Variants in PLSCR4 observed in about 807,000 individuals in gnomAD.
PLSCR4 encodes phospholipid scramblase 4, also known as Ca(2+)-dependent phospholipid scramblase 4.
In PLSCR4, 25 loss-of-function variants were observed where a neutral mutation model predicts 36.3. The observed-to-expected ratio is 0.69, with a 90% CI of 0.50 to 0.96. The LOEUF (loss-of-function observed/expected upper bound fraction) is 0.96, where lower values mean the gene tolerates loss of function less well. PLSCR4 is among the 40% of genes least tolerant of loss of function. PLSCR4 has a pLI of 0.00. For missense variants in PLSCR4, 408 were observed against 414.7 expected (o/e 0.98, Z 0.14); for synonymous variants, 122 against 132.9 (o/e 0.92, Z 0.56).
At chr3:146,220,524 G>T (rs2035083660) in intron 3 of PLSCR4, among the ~76,000 whole-genome samples, 1 of 152,034 alleles carries the variant, frequency 6.6e-6, no homozygotes, top group African/African-American at 2.4e-5. Flanking sequence ...TCAAATCCCT[G>T]GCAATGTCAA....
Position 146,220,920 on chromosome 3 carries a change from C to CCA in PLSCR4, c.11_12dup (p.Val5TrpfsTer94), listed in dbSNP as rs2035108499. On this transcript the variant is annotated frameshift_variant, in exon 3 of 9. Transcript: ENST00000354952. LOFTEE classifies it high-confidence loss of function. ...GCAGGCTGTTCAGGGGCTGTGGGTACCACACCTTCAGGGGAAGACAGGGAA... is the reference window on the plus strand; with the variant it reads ...GCAGGCTGTTCAGGGGCTGTGGGTACCACACACCTTCAGGGGAAGACAGGGAA... 6.2e-7 allele frequency: 1 copy of CCA among 1,602,240 alleles called. No individual in the cohort carries two copies. Among genetic ancestry groups the CCA allele is most frequent in the African/African-American group, 1.3e-5 (1 of 74,602 alleles).
chr3:146,219,440 A>C (rs1003165864), intron 3 of PLSCR4, among the ~76,000 whole-genome samples: 5 of 152,194 alleles, frequency 3.3e-5, no homozygotes, highest in Non-Finnish European at 7.3e-5. Flanking sequence ...ATAATTTAAT[A>C]ATTTAATTTT....
At chr3:146,247,151 T>C (rs373854193) in intron 1 of PLSCR4, among the ~76,000 whole-genome samples, 55 of 152,318 alleles carry the variant, frequency 3.6e-4, no homozygotes, top group African/African-American at 1.2e-3. Context: ...GGCTGCCTAA[T>C]GACAACAAGT....
At position 146,206,440 on chromosome 3, in the gene PLSCR4, T is replaced by C. The variant is rs2034331867; in HGVS notation, c.354+86A>G. The stretch of plus-strand genomic sequence containing the variant: ...TGTCATCACTGACCCATCTCCTTTA[T>C]TCACTCTGGTCTGCTTTTTTTCTCT... On this transcript the variant is annotated intron_variant, in intron 4 of 8. Coordinates refer to ENST00000354952, the MANE Select transcript of PLSCR4 (RefSeq NM_020353.3). 14 of 922,800 alleles carry C rather than the reference T, an allele frequency of 1.5e-5. No homozygotes were observed. In the South Asian group the frequency reaches 1.9e-4, roughly 13 times the overall value. 57.2% of individuals were successfully genotyped at this position (922,800 alleles called of 1,614,324 possible). A position where few individuals can be genotyped will look rare whatever the true frequency, so the allele number is the denominator to read the frequency against.
chr3:146,246,222 CTT>C (rs1392478859), intron 1 of PLSCR4, among the ~76,000 whole-genome samples: 1 of 152,040 alleles, frequency 6.6e-6, no homozygotes, highest in Non-Finnish European at 1.5e-5. Context: ...TTAATTGTAT[CTT>C]TGCATAAAAT....
intron 1 of PLSCR4, among the ~76,000 whole-genome samples, chr3:146,236,611 T>C (rs1442388900): frequency 5.3e-5 from 8 of 152,130 alleles, no homozygotes; most frequent in Non-Finnish European, 1.2e-4. Context: ...CACAAGCTCT[T>C]CTCTTGGCCT....
At chr3:146,226,253 G>A (rs772079257) in intron 1 of PLSCR4, among the ~76,000 whole-genome samples, 1 of 152,154 alleles carries the variant, frequency 6.6e-6, no homozygotes, top group Non-Finnish European at 1.5e-5. Flanking sequence ...GTATGTACAT[G>A]TTTAAATATG....
chr3:146,192,438 T>C lies in PLSCR4; in HGVS notation c.*1973A>G, dbSNP rs1247503889. On this transcript the variant is annotated 3_prime_UTR_variant, in exon 9 of 9. Coordinates refer to ENST00000354952, the MANE Select transcript of PLSCR4 (RefSeq NM_020353.3). ...TTTGTTTTTTAATCAATCCGATCAATTTTACACAACAAAATATCATTAAGA... is the reference window on the plus strand; with the variant it reads ...TTTGTTTTTTAATCAATCCGATCAACTTTACACAACAAAATATCATTAAGA... 1 of 151,126 alleles carries C rather than the reference T, an allele frequency of 6.6e-6. No individual in the cohort carries two copies. The highest frequency in any genetic ancestry group is 1.5e-5 in the Non-Finnish European group (1 of 67,772). The allele number at this position is 151,126 out of a possible 1,614,324, so 9.4% of individuals were successfully genotyped here. A position where few individuals can be genotyped will look rare whatever the true frequency, so the allele number is the denominator to read the frequency against.
At chr3:146,238,651 C>G (rs79577099) in intron 1 of PLSCR4, among the ~76,000 whole-genome samples, 2,563 of 152,036 alleles carry the variant, frequency 0.017, 77 homozygotes, top group African/African-American at 0.058. Flanking sequence ...TTCTTGATCT[C>G]GTAAGAAACT....
In PLSCR4 at chr3:146,223,273, G is replaced by C. The variant is rs143620400; in HGVS notation, c.-21-1181C>G. On this transcript the variant is annotated intron_variant, in intron 1 of 8. Transcript: ENST00000354952. ...TCAGGCAAAAAAAAGGCTATTATTT[G>C]AGAAGGGAATTTCAATATATCTGAA... Among the ~76,000 whole-genome samples, 680 of 152,270 alleles carry C rather than the reference G, an allele frequency of 4.5e-3. 5 individuals carry two copies. The highest frequency in any genetic ancestry group is 0.014 in the African/African-American group (597 of 41,546).
chr3:146,230,077 CAAACCTGTCTGAAGTGA>C (rs1335105974), intron 1 of PLSCR4, among the ~76,000 whole-genome samples: 4 of 152,094 alleles, frequency 2.6e-5, no homozygotes, highest in African/African-American at 7.2e-5. Context: ...TGGAAATCCT[CAAACCTGTCTGAAGTGA>C]AGGCAGTCTT....
intron 3 of PLSCR4, among the ~76,000 whole-genome samples, chr3:146,214,208 G>A (rs1293248041): frequency 9.4e-5 from 1 of 10,688 alleles, no homozygotes; most frequent in Non-Finnish European, 2.5e-4. Flanking sequence ...TGCAAGCTCC[G>A]CCTCCCGGGT....
In PLSCR4 at chr3:146,196,734, C is replaced by T. The variant is rs763503626; in HGVS notation, c.684G>A (p.Leu228=). ...TIGFVAEHWN[L]CRAVYSIQNE... The stretch of plus-strand genomic sequence containing the variant: ...TTTGGATGCTGTACACCGCCCTGCA[C>T]AGGTTCCAATGTTCCGCAACAAAGC... Residue 228 remains leucine, a synonymous_variant, in exon 7 of 9, where the codon CTG becomes CTA. Transcript: ENST00000354952. 1.1e-5 allele frequency: 17 copies of T among 1,613,854 alleles called. No individual in the cohort carries two copies. The highest frequency in any genetic ancestry group is 1.4e-5 in the Non-Finnish European group (17 of 1,179,922).
chr3:146,197,593 T>A (rs1199470480), intron 6 of PLSCR4, among the ~76,000 whole-genome samples: 1 of 152,200 alleles, frequency 6.6e-6, no homozygotes, highest in Admixed American at 6.5e-5. Context: ...AGCCATTTTT[T>A]AAAAGTTTTA....
intron 3 of PLSCR4, among the ~76,000 whole-genome samples, chr3:146,209,922 A>C (rs2034532966): frequency 6.6e-6 from 1 of 152,140 alleles, no homozygotes; most frequent in Non-Finnish European, 1.5e-5. Context: ...TTGAAAACAA[A>C]ATAAGTTATG....
intron 1 of PLSCR4, among the ~76,000 whole-genome samples, chr3:146,222,825 G>A (rs866740681): frequency 6.6e-6 from 1 of 152,180 alleles, no homozygotes; most frequent in Non-Finnish European, 1.5e-5. Flanking sequence ...GGAGCAGTGA[G>A]GGATGGCAGC....
intron 6 of PLSCR4, among the ~76,000 whole-genome samples, chr3:146,197,511 C>T (rs777993496): frequency 3.3e-5 from 5 of 151,890 alleles, no homozygotes; most frequent in Non-Finnish European, 5.9e-5. Flanking sequence ...AAAATTATAA[C>T]AGAAAACAAA....
chr3:146,219,629 A>T (rs2035050609), intron 3 of PLSCR4, among the ~76,000 whole-genome samples: 1 of 151,988 alleles, frequency 6.6e-6, no homozygotes. Context: ...GCCAAAAAAA[A>T]CCTTTGGCCG....
At position 146,228,494 on chromosome 3, in the gene PLSCR4, T is replaced by C. The variant is rs140029395; in HGVS notation, c.-21-6402A>G. ...TGGGGAGAAAAAAAAAACGGAGACA[T>C]TGCCAAAGGGGTTTTCCTATTTGCA... On this transcript the variant is annotated intron_variant, in intron 1 of 8. Transcript: ENST00000354952. Among the ~76,000 whole-genome samples, 1,192 of 152,128 alleles carry C rather than the reference T, an allele frequency of 7.8e-3. 22 individuals carry two copies. The highest frequency in any genetic ancestry group is 0.026 in the African/African-American group (1,060 of 41,508).
Sources: gnomAD v4.1 joint callset for allele counts (sites outside exome capture counted in the v4.1 genomes callset) on GRCh38, gnomAD v4.1.1 for gene constraint, MANE v1.5 for transcripts, NCBI Gene and HGNC (gene_info 2026-07-23, HGNC 2026-07-21) for gene names.